Variants in TBC1D4 observed in about 807,000 individuals in gnomAD.
TBC1D4 encodes TBC1 domain family member 4.
Under a neutral mutation model 142.5 loss-of-function variants are expected in TBC1D4, and 121 were observed. That is an observed-to-expected ratio of 0.85 (90% confidence interval 0.73 to 0.99). TBC1D4 has a LOEUF of 0.99. Among genes scored for constraint, TBC1D4 ranks in the 50% least tolerant of loss-of-function variants. TBC1D4 has a pLI of 0.00. For missense variants in TBC1D4, 1,475 were observed against 1,606.6 expected (o/e 0.92, Z 1.40); for synonymous variants, 630 against 628.2 (o/e 1.00, Z -0.04).
chr13:75,303,068 A>G (rs912070657), intron 15 of TBC1D4, among the ~76,000 whole-genome samples: 1 of 152,210 alleles, frequency 6.6e-6, no homozygotes, highest in Admixed American at 6.5e-5. Context: ...CTGTAATCCC[A>G]ACACTTTGGG....
At chr13:75,403,573 A>T (rs563240638) in intron 1 of TBC1D4, among the ~76,000 whole-genome samples, 44 of 152,360 alleles carry the variant, frequency 2.9e-4, no homozygotes, top group African/African-American at 8.9e-4. Context: ...AAATAAAGCA[A>T]ATACAAAGAA....
intron 10 of TBC1D4, 28 bp from the exon 11 acceptor site, chr13:75,324,429 T>C (rs2137999905): frequency 6.2e-7 from 1 of 1,612,086 alleles, no homozygotes; most frequent in Non-Finnish European, 8.5e-7. Context: ...AGCAAATATG[T>C]CTTAATTTAT....
At chr13:75,366,574 AG>A (rs1882923172) in intron 1 of TBC1D4, among the ~76,000 whole-genome samples, 2 of 152,318 alleles carry the variant, frequency 1.3e-5, no homozygotes, top group South Asian at 4.1e-4. Context: ...GAAAAAGCAC[AG>A]TGCCACCTTT....
chr13:75,342,335 T>C (rs1880781823), intron 5 of TBC1D4, among the ~76,000 whole-genome samples: 1 of 152,126 alleles, frequency 6.6e-6, no homozygotes, highest in South Asian at 2.1e-4. Flanking sequence ...CACATGGAAA[T>C]AAAAGCTAAA....
chr13:75,312,424 A>AAAGAAAG (rs1555301659), intron 13 of TBC1D4, among the ~76,000 whole-genome samples: 41 of 135,998 alleles, frequency 3.0e-4, no homozygotes, highest in East Asian at 1.8e-3. Context: ...GGGAAAAAAA[A>AAAGAAAG]AAAGAAAGAA....
chr13:75,432,009 C>A (rs1886609776), intron 1 of TBC1D4, among the ~76,000 whole-genome samples: 1 of 152,190 alleles, frequency 6.6e-6, no homozygotes, highest in South Asian at 2.1e-4. Flanking sequence ...ACTTAGTCAA[C>A]TGGAGTGAGA....
chr13:75,354,756 C>G (rs955414547), intron 4 of TBC1D4, among the ~76,000 whole-genome samples: 2 of 152,074 alleles, frequency 1.3e-5, no homozygotes, highest in African/African-American at 4.8e-5. Context: ...CAAACTGTTA[C>G]TTGGTTGGCA....
Position 75,309,948 on chromosome 13 carries a change from G to C in TBC1D4, c.2587C>G (p.Leu863Val), listed in dbSNP as rs1877570579. Reference sequence around the variant, plus strand: ...GTCTGTTAAAATGGCTAACCTTCAAGTTTCTGGTTTTCTTTTTCCATTCGA... The same window carrying C: ...GTCTGTTAAAATGGCTAACCTTCAACTTTCTGGTTTTCTTTTTCCATTCGA... ...LLRMEKENQK[L>V]EASRDELQSR... Residue 863 changes from leucine to valine, a missense_variant, in exon 14 of 21, where the codon CTT (leucine) becomes GTT (valine). By Grantham distance (32) the Leu-to-Val change is conservative. Around this residue, in one of 2 missense-constraint regions of TBC1D4, gnomAD observed 1,227 missense variants for 1,267.7 expected, o/e 0.97. Transcript: ENST00000377636. 6.2e-7 allele frequency: 1 copy of C among 1,613,944 alleles called. No individual in the cohort carries two copies. Among genetic ancestry groups the C allele is most frequent in the Non-Finnish European group, 8.5e-7 (1 of 1,179,964 alleles).
At chr13:75,398,571 A>C (rs1884919991) in intron 1 of TBC1D4, among the ~76,000 whole-genome samples, 1 of 152,224 alleles carries the variant, frequency 6.6e-6, no homozygotes, top group Non-Finnish European at 1.5e-5. Flanking sequence ...CTGGAAGTAT[A>C]ACTGGCTTCC....
intron 1 of TBC1D4, among the ~76,000 whole-genome samples, chr13:75,460,439 G>A (rs948550011): frequency 6.6e-6 from 1 of 152,200 alleles, no homozygotes; most frequent in South Asian, 2.1e-4. Context: ...GTGAACAAGA[G>A]GGCATTCCCA....
intron 3 of TBC1D4, 23 bp from the exon 4 acceptor site, chr13:75,356,274 A>C (rs1370285677): frequency 6.7e-7 from 1 of 1,488,654 alleles, no homozygotes; most frequent in Non-Finnish European, 9.4e-7. Context: ...GAAGAAGTGC[A>C]ATAAAAATGT....
At chr13:75,357,486 C>T (rs2138150747) in intron 3 of TBC1D4, among the ~76,000 whole-genome samples, 1 of 152,286 alleles carries the variant, frequency 6.6e-6, no homozygotes, top group South Asian at 2.1e-4. Context: ...TCTCACCTCC[C>T]CAACTCCAGC....
intron 1 of TBC1D4, among the ~76,000 whole-genome samples, chr13:75,371,874 A>G (rs1883241426): frequency 6.6e-6 from 1 of 152,220 alleles, no homozygotes; most frequent in Non-Finnish European, 1.5e-5. Flanking sequence ...AGTTATGCAA[A>G]AATACTCTAT....
chr13:75,356,218 A>T lies in TBC1D4; in HGVS notation c.1204T>A (p.Cys402Ser), dbSNP rs1355272288. The part of the protein sequence containing the change: ...IKHVDHFGFI[C>S]RESPEPGLSQ... ...AGTCCAGGCTCTGGAGACTCCCGGC[A>T]GATAAAGCCAAAGTGATCCACATGC... Residue 402 changes from cysteine to serine, a missense_variant, in exon 4 of 21, where the codon TGC (cysteine) becomes AGC (serine). By Grantham distance (112) the Cys-to-Ser change is moderately radical. Coordinates refer to ENST00000377636, the MANE Select transcript of TBC1D4 (RefSeq NM_014832.5). 9 of 1,613,722 alleles carry T rather than the reference A, an allele frequency of 5.6e-6. No homozygotes were observed. Among genetic ancestry groups the T allele is most frequent in the Non-Finnish European group, 7.6e-6 (9 of 1,179,790 alleles).
chr13:75,379,290 G>C (rs1361861158), intron 1 of TBC1D4, among the ~76,000 whole-genome samples: 1 of 151,728 alleles, frequency 6.6e-6, no homozygotes, highest in African/African-American at 2.4e-5. Flanking sequence ...AGCTTTTCAA[G>C]ATATGTCTAA....
chr13:75,478,753 G>A (rs1566520302), intron 1 of TBC1D4, among the ~76,000 whole-genome samples: 2 of 152,128 alleles, frequency 1.3e-5, no homozygotes, highest in Non-Finnish European at 2.9e-5. Flanking sequence ...CTTCAAAAAG[G>A]ATGGTCCCAG....
chr13:75,347,296 T>A (rs112650742), intron 5 of TBC1D4, among the ~76,000 whole-genome samples: 3 of 152,328 alleles, frequency 2.0e-5, no homozygotes, highest in African/African-American at 7.2e-5. Context: ...AATTTCCTTT[T>A]CTGAGAAGTA....
At chr13:75,287,069 T>C (rs954340677) in intron 20 of TBC1D4, 44 bp from the exon 21 acceptor site, 1 of 1,520,354 alleles carries the variant, frequency 6.6e-7, no homozygotes, top group African/African-American at 1.4e-5. Flanking sequence ...TGATTCATTA[T>C]AGTAGGAGAC....
chr13:75,432,513 C>A (rs1011238460), intron 1 of TBC1D4, among the ~76,000 whole-genome samples: 2 of 152,054 alleles, frequency 1.3e-5, no homozygotes, highest in Admixed American at 1.3e-4. Flanking sequence ...GAGGGCAGAA[C>A]CAGAATTCTG....
Sources: allele counts gnomAD v4.1 joint callset (sites outside exome capture counted in the v4.1 genomes callset), GRCh38; gene constraint gnomAD v4.1.1; regional missense constraint gnomAD v4.1.1; transcripts MANE v1.5; gene names NCBI Gene and HGNC (gene_info 2026-07-23, HGNC 2026-07-21).